GPC3: variants seen among roughly 807,000 people sequenced by gnomAD.
GPC3 encodes glypican-3.
Under a neutral mutation model 34.4 loss-of-function variants are expected in GPC3, and 3 were observed. That is an observed-to-expected ratio of 0.09 (90% CI 0.04 to 0.23). The LOEUF (loss-of-function observed/expected upper bound fraction) is 0.23, where lower values mean the gene tolerates loss of function less well. Among genes scored for constraint, GPC3 ranks in the 10% least tolerant of loss-of-function variants. The probability of loss-of-function intolerance (pLI) is 1.00; values close to 1 mark genes in which losing one functional copy is unlikely to be tolerated. For synonymous variants in GPC3, 177 were observed against 174.0 expected, an observed-to-expected ratio of 1.02 and a Z score of -0.13; for missense variants, 351 against 445.6, an observed-to-expected ratio of 0.79 and a Z score of 1.91.
At chrX:133,546,871 C>A (rs2069391608) in intron 7 of GPC3, among the ~76,000 whole-genome samples, 1 of 112,101 alleles carries the variant, frequency 8.9e-6, no homozygotes, top group Non-Finnish European at 1.9e-5. Flanking sequence ...ATCTGTACTT[C>A]CAGGTTTGTT....
In GPC3 at chrX:133,565,003, A is replaced by G. The variant is rs1023664481; in HGVS notation, c.1574-28710T>C. On this transcript the variant is annotated intron_variant, in intron 7 of 7. Coordinates refer to ENST00000370818, the MANE Select transcript of GPC3 (RefSeq NM_004484.4). ...AAATCACAAGAAGAATGGAAGATGA[A>G]CAATCAATAGATCCACTATGAAAAT... 3.6e-5 allele frequency among the ~76,000 whole-genome samples: 4 copies of G among 112,608 alleles called. No individual in the cohort carries two copies. The Admixed American group carries it at 3.8e-4, about 11-fold the overall frequency.
At chrX:133,695,362 T>C (rs192927003) in intron 4 of GPC3, among the ~76,000 whole-genome samples, 10 of 112,396 alleles carry the variant, frequency 8.9e-5, no homozygotes, top group African/African-American at 3.2e-4. Context: ...ACTCTGTGGA[T>C]ATACTAAGAA....
At chrX:133,782,750 C>T (rs1219726877) in intron 2 of GPC3, among the ~76,000 whole-genome samples, 1 of 111,664 alleles carries the variant, frequency 9.0e-6, no homozygotes, top group African/African-American at 3.3e-5. Flanking sequence ...TATGTCTCTA[C>T]TCCTCTCCAC....
chrX:133,971,099 C>T (rs755469369), intron 1 of GPC3, among the ~76,000 whole-genome samples: 2 of 111,746 alleles, frequency 1.8e-5, no homozygotes, highest in Non-Finnish European at 3.8e-5. Flanking sequence ...AAAGGGGCTC[C>T]CTTATCTTCA....
intron 2 of GPC3, among the ~76,000 whole-genome samples, chrX:133,889,227 C>T (rs932352591): frequency 8.9e-6 from 1 of 112,112 alleles, no homozygotes; most frequent in Non-Finnish European, 1.9e-5. Context: ...AGGCCTGTCA[C>T]TATGTGAAAG....
chrX:133,700,777 G>T (rs1228415041), intron 3 of GPC3, among the ~76,000 whole-genome samples: 1 of 111,043 alleles, frequency 9.0e-6, no homozygotes, highest in Non-Finnish European at 1.9e-5. Flanking sequence ...TCAGGAGGCT[G>T]AGGTGGGAGG....
chrX:133,888,557 C>G (rs1384393661), intron 2 of GPC3, among the ~76,000 whole-genome samples: 1 of 111,999 alleles, frequency 8.9e-6, no homozygotes, highest in Non-Finnish European at 1.9e-5. Flanking sequence ...AAAAGCATTC[C>G]TATTTTTCCA....
intron 3 of GPC3, among the ~76,000 whole-genome samples, chrX:133,728,430 C>G (rs774672130): frequency 8.0e-5 from 9 of 112,114 alleles, no homozygotes; most frequent in Non-Finnish European, 1.5e-4. Flanking sequence ...ATAGGAAACA[C>G]AGTTACCTTC....
chrX:133,930,978 T>A, intron 2 of GPC3, among the ~76,000 whole-genome samples: 1 of 111,951 alleles, frequency 8.9e-6, no homozygotes, highest in East Asian at 2.8e-4. Flanking sequence ...GCCATAGACA[T>A]CTTCCTGGTG....
At chrX:133,780,989 T>C (rs779363283) in intron 2 of GPC3, among the ~76,000 whole-genome samples, 2 of 112,177 alleles carry the variant, frequency 1.8e-5, no homozygotes, top group South Asian at 7.5e-4. Context: ...CCTGTGGAAC[T>C]GCACTGCTTT....
At chrX:133,802,561 C>T (rs2075615055) in intron 2 of GPC3, among the ~76,000 whole-genome samples, 1 of 112,384 alleles carries the variant, frequency 8.9e-6, no homozygotes, top group Non-Finnish European at 1.9e-5. Flanking sequence ...ATCACTCCTC[C>T]TCTTCCTGAT....
chrX:133,722,754 A>G (rs2071379057), intron 3 of GPC3, among the ~76,000 whole-genome samples: 1 of 111,592 alleles, frequency 9.0e-6, no homozygotes, highest in Non-Finnish European at 1.9e-5. Context: ...CTTGCACTGT[A>G]AGCAGACCTC....
At chrX:133,751,051 C>T (rs181787340) in intron 3 of GPC3, among the ~76,000 whole-genome samples, 288 of 103,451 alleles carry the variant, frequency 2.8e-3, no homozygotes, top group African/African-American at 9.4e-3. Flanking sequence ...CCAGCCTGGG[C>T]GACAGAGCGA....
At chrX:133,790,094 G>A (rs1197982522) in intron 2 of GPC3, among the ~76,000 whole-genome samples, 1 of 110,958 alleles carries the variant, frequency 9.0e-6, no homozygotes, top group Non-Finnish European at 1.9e-5. Flanking sequence ...GGAGTCAATT[G>A]GCTGGATGAC....
At chrX:133,857,928 G>A (rs1170314498) in intron 2 of GPC3, among the ~76,000 whole-genome samples, 2 of 112,087 alleles carry the variant, frequency 1.8e-5, no homozygotes, top group African/African-American at 3.2e-5. Context: ...AAAGGGGGAA[G>A]GAGGAGCTAG....
At chrX:133,897,228 T>A (rs1349236739) in intron 2 of GPC3, among the ~76,000 whole-genome samples, 5 of 91,750 alleles carry the variant, frequency 5.4e-5, no homozygotes, top group Non-Finnish European at 8.2e-5. Context: ...TTTTTTTTTT[T>A]AAATAGAGAC....
At chrX:133,886,900 A>G (rs987519865) in intron 2 of GPC3, among the ~76,000 whole-genome samples, 5 of 112,991 alleles carry the variant, frequency 4.4e-5, no homozygotes, top group African/African-American at 1.6e-4. Context: ...ATAATGCTGC[A>G]GTGAACATGC....
At chrX:133,942,460 T>C (rs1209230332) in intron 2 of GPC3, among the ~76,000 whole-genome samples, 1 of 111,907 alleles carries the variant, frequency 8.9e-6, no homozygotes, top group African/African-American at 3.2e-5. Context: ...AGATACTATA[T>C]TTATATTGTG....
intron 2 of GPC3, among the ~76,000 whole-genome samples, chrX:133,850,424 T>C (rs1166431191): frequency 1.8e-5 from 2 of 110,499 alleles, no homozygotes; most frequent in African/African-American, 6.6e-5. Context: ...AAGAGATCAT[T>C]ACTGCCAAAT....
Sources: allele counts gnomAD v4.1 joint callset (sites outside exome capture counted in the v4.1 genomes callset), GRCh38; gene constraint gnomAD v4.1.1; transcripts MANE v1.5; gene names NCBI Gene and HGNC (gene_info 2026-07-23, HGNC 2026-07-21).